The following SH2B1 variants were observed in gnomAD, a reference collection of about 807,000 sequenced individuals.
SH2B1 encodes SH2B adapter protein 1.
SH2B1 carries 15 observed loss-of-function variants against 62.6 expected under a neutral mutation model. The observed-to-expected ratio is 0.24, with a 90% CI of 0.16 to 0.37. The LOEUF is 0.37. SH2B1 is among the 10% of genes least tolerant of loss of function. SH2B1 has a pLI of 1.00. For synonymous variants in SH2B1, 443 were observed against 438.0 expected (o/e 1.01, Z -0.14); for missense variants, 925 against 1,015.6 (o/e 0.91, Z 1.21).
Position 28,864,286 on chromosome 16 carries a change from C to CT in SH2B1, c.-1808dup. On this transcript the variant is annotated 5_prime_UTR_variant, in exon 1 of 8. It removes the in-frame stop codon of an upstream open reading frame in the 5' UTR. Coordinates refer to ENST00000684370, the MANE Select transcript of SH2B1 (RefSeq NM_001387430.1). ...AGGCAGGTGCACCGGGAAAATGTGTCTGAGTCCTGCTTGGCAGAAGAGAAA... is the reference window on the plus strand; with the variant it reads ...AGGCAGGTGCACCGGGAAAATGTGTCTTGAGTCCTGCTTGGCAGAAGAGAAA... The CT allele has an allele frequency of 1.0e-6, 1 of 1,001,072 alleles. No homozygotes were observed. Among genetic ancestry groups the CT allele is most frequent in the Non-Finnish European group, 1.2e-6 (1 of 839,454 alleles). The allele number at this position is 1,001,072 out of a possible 1,614,324, so 62.0% of individuals were successfully genotyped here.
rs1371631572 is a variant in SH2B1, at chr16:28,852,782, T to G, written c.-301+5955T>G. ...TGTATATATATATTTATATATATATTTACATATATATTTACATATATATTT... is the reference window on the plus strand; with the variant it reads ...TGTATATATATATTTATATATATATGTACATATATATTTACATATATATTT... On this transcript the variant is annotated intron_variant, in intron 1 of 10. Transcript: ENST00000322610. Among the ~76,000 whole-genome samples the G allele has an allele frequency of 4.5e-3, 304 of 67,662 alleles. 59 individuals are homozygous for G. The highest frequency in any genetic ancestry group is 0.015 in the African/African-American group (283 of 18,728). The allele number at this position is 67,662 out of a possible 152,430, so 44.4% of individuals were successfully genotyped here. A position where few individuals can be genotyped will look rare whatever the true frequency, so the allele number is the denominator to read the frequency against.
chr16:28,859,741 A>T (rs938283089), upstream of SH2B1, among the ~76,000 whole-genome samples: 22 of 152,166 alleles, frequency 1.4e-4, 1 homozygote, highest in African/African-American at 2.6e-4. Context: ...AAAAAGAAAG[A>T]AAGTCCAGGG....
At position 28,853,784 on chromosome 16, in the gene SH2B1, G is replaced by A. The variant is rs187578757; in HGVS notation, c.-301+6957G>A. 3.2e-3 allele frequency among the ~76,000 whole-genome samples: 489 copies of A among 151,364 alleles called. 9 individuals carry two copies. The highest frequency in any genetic ancestry group is 0.012 in the African/African-American group (476 of 41,356). On this transcript the variant is annotated intron_variant, in intron 1 of 10. Coordinates refer to the SH2B1 transcript ENST00000322610. Reference sequence around the variant, plus strand: ...GGAGGCCAAGGCGGGCGGATCACAAGGTCAGGAGTTTGAGACCATCCTGGC... The same window carrying A: ...GGAGGCCAAGGCGGGCGGATCACAAAGTCAGGAGTTTGAGACCATCCTGGC...
At chr16:28,856,042 C>T (rs1303839513) in intron 1 of SH2B1, among the ~76,000 whole-genome samples, 2 of 147,510 alleles carry the variant, frequency 1.4e-5, no homozygotes, top group Admixed American at 6.8e-5. Context: ...TTTGGGACAC[C>T]GAGGTGGATG....
Position 28,869,119 on chromosome 16 carries a change from G to A in SH2B1, c.1133+22G>A, listed in dbSNP as rs376080955. On this transcript the variant is annotated intron_variant, in intron 3 of 7. Coordinates refer to ENST00000684370, the MANE Select transcript of SH2B1 (RefSeq NM_001387430.1). ...CAGGGTGAGAAGCCTGACTTCTGTCGCTAAGGGACATAGAGTGGGGTTGGG... is the reference window on the plus strand; with the variant it reads ...CAGGGTGAGAAGCCTGACTTCTGTCACTAAGGGACATAGAGTGGGGTTGGG... 113 of 1,613,388 alleles carry A rather than the reference G, an allele frequency of 7.0e-5. No homozygotes were observed. The Admixed American group carries it at 1.2e-3, about 17-fold the overall frequency.
In SH2B1 at chr16:28,864,408, G is replaced by C. The variant is rs369650321; in HGVS notation, c.-1687G>C. On this transcript the variant is annotated 5_prime_UTR_variant, in exon 1 of 8. Transcript: ENST00000684370. ...ATTGGGTGGGCCTGTGTGAGCCGAG[G>C]TGGCCGCTGGCTGGAGATTGGTTTG... 3.0e-6 allele frequency: 3 copies of C among 986,948 alleles called. No homozygotes were observed. In the Admixed American group the frequency reaches 1.8e-4, roughly 61 times the overall value. The allele number at this position is 986,948 out of a possible 1,614,324, so 61.1% of individuals were successfully genotyped here. A position where few individuals can be genotyped will look rare whatever the true frequency, so the allele number is the denominator to read the frequency against.
chr16:28,873,382 G>A lies in SH2B1; in HGVS notation c.1898-65G>A, dbSNP rs1162832037. ...CACGCTCCTGGGGGGCTGAGTGAAG[G>A]GGAGGCCACGGCAGGAGCTCACCTG... On this transcript the variant is annotated intron_variant, in intron 7 of 7. Coordinates refer to ENST00000684370, the MANE Select transcript of SH2B1 (RefSeq NM_001387430.1). The surrounding 1 kb of genome is among the most constrained non-coding windows in gnomAD (Gnocchi z 4.2). The A allele has an allele frequency of 6.3e-7, 1 of 1,582,350 alleles. No individual in the cohort carries two copies. Among genetic ancestry groups the A allele is most frequent in the African/African-American group, 1.4e-5 (1 of 73,618 alleles).
In SH2B1 at chr16:28,873,165, C is replaced by T. The variant is rs778599499; in HGVS notation, c.1898-282C>T. The T allele has an allele frequency of 6.4e-6, 10 of 1,557,724 alleles. No homozygotes were observed. The Middle Eastern group carries it at 5.1e-4, about 79-fold the overall frequency. ...CATCTGTCCCCACGTTGCCCCTCCC[C>T]CCAGGCCGGGAGCAGGCTGGGAGCC... On this transcript the variant is annotated intron_variant, in intron 7 of 7. Coordinates refer to ENST00000684370, the MANE Select transcript of SH2B1 (RefSeq NM_001387430.1). The surrounding 1 kb of genome is among the most constrained non-coding windows in gnomAD (Gnocchi z 4.2).
intron 1 of SH2B1, among the ~76,000 whole-genome samples, chr16:28,857,064 C>T (rs1466600058): frequency 2.0e-5 from 3 of 152,120 alleles, no homozygotes; most frequent in Admixed American, 6.6e-5. Context: ...GGGAGGATCA[C>T]TTGAGGTCAG....
At chr16:28,868,451 A>T (rs1005616624) in intron 2 of SH2B1, among the ~76,000 whole-genome samples, 7 of 148,022 alleles carry the variant, frequency 4.7e-5, no homozygotes, top group African/African-American at 1.8e-4. Context: ...ATTTTATTTT[A>T]TTTTATTTTT....
In SH2B1 at chr16:28,863,987, C is replaced by T. The variant is rs1289045802; in HGVS notation, c.-2108C>T. The T allele has an allele frequency of 1.3e-5, 18 of 1,423,604 alleles. No individual in the cohort carries two copies. The highest frequency in any genetic ancestry group is 8.7e-5 in the African/African-American group (6 of 68,792). The allele number at this position is 1,423,604 out of a possible 1,614,324, so 88.2% of individuals were successfully genotyped here. A position where few individuals can be genotyped will look rare whatever the true frequency, so the allele number is the denominator to read the frequency against. Reference sequence around the variant, plus strand: ...AACCCCCCTCTTCAAGTACCTTTTCCCTCTCCGCGACCCGGCCCTGGCGCC... The same window carrying T: ...AACCCCCCTCTTCAAGTACCTTTTCTCTCTCCGCGACCCGGCCCTGGCGCC... On this transcript the variant is annotated 5_prime_UTR_variant, in exon 1 of 8. Transcript: ENST00000684370.
intron 2 of SH2B1, among the ~76,000 whole-genome samples, chr16:28,868,530 G>T (rs768835082): frequency 1.3e-5 from 2 of 149,818 alleles, no homozygotes; most frequent in Non-Finnish European, 3.0e-5. Flanking sequence ...CATGATCTTG[G>T]CTCACTGCAA....
rs55893769 is a variant in SH2B1 at position 28,863,893 on chromosome 16, AGCCGCC to A, written c.-2182_-2177del. The A allele has an allele frequency of 1.9e-4, 284 of 1,494,240 alleles. No individual in the cohort carries two copies. Among genetic ancestry groups the A allele is most frequent in the African/African-American group, 1.1e-3 (78 of 71,032 alleles). 92.6% of individuals were successfully genotyped at this position (1,494,240 alleles called of 1,614,324 possible). On this transcript the variant is annotated 5_prime_UTR_variant, in exon 1 of 8. Coordinates refer to ENST00000684370, the MANE Select transcript of SH2B1 (RefSeq NM_001387430.1). ...AGTGGGTGGGGGCGCAGGGAGCGGG[AGCCGCC>A]GCCGCCGCCGCCGCCGCCGGAGCTA...
chr16:28,873,595 A>C lies in SH2B1; in HGVS notation c.2046A>C (p.Lys682Asn). 7.0e-6 allele frequency: 11 copies of C among 1,562,440 alleles called. No homozygotes were observed. The highest frequency in any genetic ancestry group is 9.5e-6 in the Non-Finnish European group (11 of 1,153,576). ...AAAKERQEKE[K>N]AGGGGVPEEL... is the part of the protein sequence containing the mutation. The stretch of plus-strand genomic sequence containing the variant: ...CCAAAGAGAGGCAAGAGAAAGAGAA[A>C]GCGGGCGGTGGAGGGGTCCCGGAAG... The change falls in exon 8 of 8, where the codon AAA becomes AAC. Residue 682 changes from lysine (K) to asparagine (N), a missense_variant. Lys to Asn is a moderately conservative substitution (Grantham distance 94, BLOSUM62 0). This residue lies in a region of SH2B1 where 185 missense variants were observed against 189.5 expected (regional missense o/e 0.98). Coordinates refer to ENST00000684370, the MANE Select transcript of SH2B1 (RefSeq NM_001387430.1). The surrounding 1 kb of genome is among the most constrained non-coding windows in gnomAD (Gnocchi z 4.2).
chr16:28,863,049 GC>G (rs1962502385), upstream of SH2B1: 1 of 151,516 alleles, frequency 6.6e-6, no homozygotes, highest in South Asian at 2.1e-4. Flanking sequence ...TCTTGCCTCT[GC>G]CTCCGGAGGG....
rs192338693 is a variant in SH2B1 at position 28,852,468 on chromosome 16, A to T, written c.-301+5641A>T. Among the ~76,000 whole-genome samples, 178 of 42,138 alleles carry T rather than the reference A, an allele frequency of 4.2e-3. 6 individuals are homozygous for T. Among genetic ancestry groups the T allele is most frequent in the Non-Finnish European group, 6.0e-3 (143 of 23,686 alleles). The allele number at this position is 42,138 out of a possible 152,430, so 27.6% of individuals were successfully genotyped here. On this transcript the variant is annotated intron_variant, in intron 1 of 10. Transcript: ENST00000322610. Reference sequence around the variant, plus strand: ...TATATTTACATATATATTTATATATATACATATATATTTATATATACATAC... The same window carrying T: ...TATATTTACATATATATTTATATATTTACATATATATTTATATATACATAC...
chr16:28,869,453 A>G (rs1962913694), intron 4 of SH2B1, 70 bp downstream of exon 4: 1 of 1,423,604 alleles, frequency 7.0e-7, no homozygotes, highest in Non-Finnish European at 9.6e-7. Flanking sequence ...GTCAGGCGCC[A>G]TGCCCTCTCC....
chr16:28,857,741 C>CT (rs67567805), intron 1 of SH2B1, among the ~76,000 whole-genome samples: 5,740 of 135,220 alleles, frequency 0.042, 180 homozygotes, highest in Non-Finnish European at 0.068. Flanking sequence ...GTCCGGAGTT[C>CT]TTTTTTTTTT....
Position 28,873,258 on chromosome 16 carries a change from G to A in SH2B1, c.1898-189G>A, listed in dbSNP as rs773172485. The A allele has an allele frequency of 1.4e-5, 23 of 1,607,600 alleles. No homozygotes were observed. Among genetic ancestry groups the A allele is most frequent in the Middle Eastern group, 1.6e-4 (1 of 6,074 alleles). On this transcript the variant is annotated intron_variant, in intron 7 of 7. Coordinates refer to ENST00000684370, the MANE Select transcript of SH2B1 (RefSeq NM_001387430.1). This position sits in a 1 kb window ranked among gnomAD's most constrained non-coding sequence, Gnocchi z 4.2. The stretch of plus-strand genomic sequence containing the variant: ...CCTGCACCCTCATGCCCTTCGGAGC[G>A]AGTGACTGTGTGTAAGTGTGGTCCT...
Sources: allele counts gnomAD v4.1 joint callset (sites outside exome capture counted in the v4.1 genomes callset), GRCh38; gene constraint gnomAD v4.1.1; regional missense constraint gnomAD v4.1.1; non-coding constraint Gnocchi (gnomAD v3.1); transcripts MANE v1.5; gene names NCBI Gene and HGNC (gene_info 2026-07-23, HGNC 2026-07-21).